The following STARD3 variants were observed in gnomAD, a reference collection of about 807,000 sequenced individuals.
STARD3 encodes StAR related lipid transfer domain containing 3, also known as stAR-related lipid transfer protein 3.
STARD3 carries 39 observed loss-of-function variants against 62.0 expected under a neutral mutation model. That is an observed-to-expected ratio of 0.63 (90% CI 0.49 to 0.82). The LOEUF is 0.82. STARD3 is among the 40% of genes least tolerant of loss of function. The probability of loss-of-function intolerance (pLI) is 0.00; values close to 1 mark genes in which losing one functional copy is unlikely to be tolerated. For synonymous variants in STARD3, 229 were observed against 242.4 expected (o/e 0.94, Z 0.51); for missense variants, 543 against 584.5 (o/e 0.93, Z 0.73).
At chr17:39,658,224 A>C (rs1419385515) in intron 5 of STARD3, 181 bp from the exon 6 acceptor site, 33 of 831,484 alleles carry the variant, frequency 4.0e-5, no homozygotes, top group African/African-American at 6.8e-5. Context: ...TCTAGGAATC[A>C]GAAGGTTCTT....
rs2057178446 is a variant in STARD3 at position 39,660,108 on chromosome 17, C to T, written c.796-103C>T. 8.4e-7 allele frequency: 1 copy of T among 1,184,206 alleles called. No individual in the cohort carries two copies. The highest frequency in any genetic ancestry group is 1.7e-5 in the Admixed American group (1 of 58,846). 73.4% of individuals were successfully genotyped at this position (1,184,206 alleles called of 1,614,324 possible). A position where few individuals can be genotyped will look rare whatever the true frequency, so the allele number is the denominator to read the frequency against. On this transcript the variant is annotated intron_variant, in intron 9 of 14. Transcript: ENST00000336308. The surrounding 1 kb of genome is among the most constrained non-coding windows in gnomAD (Gnocchi z 4.8). ...GTCCCCAAACTCCTGGAGTTTTCCA[C>T]CCTGAGCTGTTAAAAACCTGCCCTG...
chr17:39,657,889 G>T, intron 4 of STARD3, 37 bp downstream of exon 4: 1 of 1,613,966 alleles, frequency 6.2e-7, no homozygotes, highest in Non-Finnish European at 8.5e-7. Context: ...CTGGGCCCTG[G>T]CAGGGCTGGT....
intron 1 of STARD3, among the ~76,000 whole-genome samples, chr17:39,645,421 G>T (rs2057016635): frequency 6.6e-6 from 1 of 152,188 alleles, no homozygotes; most frequent in Non-Finnish European, 1.5e-5. Context: ...TCACTATAGT[G>T]TATTTAACCT....
Position 39,657,069 on chromosome 17 carries a change from CCTT to C in STARD3, c.286_288del (p.Phe96del). 6.2e-7 allele frequency: 1 copy of C among 1,614,174 alleles called. No homozygotes were observed. The highest frequency in any genetic ancestry group is 1.7e-5 in the Admixed American group (1 of 60,032). Reference sequence around the variant, plus strand: ...ATCATCCAGTACAACTTTAAAACTTCCTTCTTCGACATCTTTGTGAGTGGCCTT... The same window carrying C: ...ATCATCCAGTACAACTTTAAAACTTCCTTCGACATCTTTGTGAGTGGCCTT... On this transcript the variant is annotated inframe_deletion, in exon 3 of 15. Transcript: ENST00000336308.
At position 39,657,954 on chromosome 17, in the gene STARD3, C is replaced by G. The variant is rs1268977754; in HGVS notation, c.376-19C>G. On this transcript the variant is annotated intron_variant, in intron 4 of 14. Coordinates refer to ENST00000336308, the MANE Select transcript of STARD3 (RefSeq NM_006804.4). ...TCCCAGCCTCTGCCTTCCCCTTCCT[C>G]CCTCCCTCCCCTGGGCAGGTCACGA... 9 of 1,598,610 alleles carry G rather than the reference C, an allele frequency of 5.6e-6. No homozygotes were observed. The highest frequency in any genetic ancestry group is 1.3e-5 in the African/African-American group (1 of 74,898).
intron 2 of STARD3, among the ~76,000 whole-genome samples, chr17:39,654,063 G>C (rs1227884046): frequency 6.6e-6 from 1 of 152,216 alleles, no homozygotes; most frequent in African/African-American, 2.4e-5. Flanking sequence ...TCCCGAGAGA[G>C]GAGGAGGGGG....
intron 1 of STARD3, among the ~76,000 whole-genome samples, chr17:39,651,208 A>T (rs1367370452): frequency 6.6e-6 from 1 of 152,110 alleles, no homozygotes; most frequent in Non-Finnish European, 1.5e-5. Context: ...TCTGCTGCAA[A>T]CAGTCAGTTC....
intron 1 of STARD3, among the ~76,000 whole-genome samples, chr17:39,647,523 C>T (rs1482023966): frequency 6.6e-6 from 1 of 152,158 alleles, no homozygotes; most frequent in African/African-American, 2.4e-5. Context: ...GCTGTGATGC[C>T]TCCAGGGCTA....
chr17:39,653,754 AGTGGGGGCGAG>A lies in STARD3; in HGVS notation c.219+13_219+23del. Reference sequence around the variant, plus strand: ...GCTCTGGATCATCGAACTGAATGTGAGTGGGGGCGAGGTGGGGGCACAGGCCATGTTGCAGG... The same window carrying A: ...GCTCTGGATCATCGAACTGAATGTGAGTGGGGGCACAGGCCATGTTGCAGG... On this transcript the variant is annotated splice_donor_5th_base_variant and intron_variant, in intron 2 of 14. Transcript: ENST00000336308. 3.7e-6 allele frequency: 6 copies of A among 1,613,808 alleles called. No individual in the cohort carries two copies. The highest frequency in any genetic ancestry group is 4.2e-6 in the Non-Finnish European group (5 of 1,179,942).
At chr17:39,643,231 G>A (rs2056996270) in intron 1 of STARD3, among the ~76,000 whole-genome samples, 1 of 152,140 alleles carries the variant, frequency 6.6e-6, no homozygotes, top group Non-Finnish European at 1.5e-5. Flanking sequence ...GAAGGGAGGT[G>A]TGACCAGATG....
At chr17:39,651,482 C>G (rs2057077257) in intron 1 of STARD3, among the ~76,000 whole-genome samples, 1 of 152,194 alleles carries the variant, frequency 6.6e-6, no homozygotes, top group Non-Finnish European at 1.5e-5. Flanking sequence ...TGTGGGGAGA[C>G]TCAGGGAGCC....
chr17:39,659,998 C>T (rs1470628032), intron 9 of STARD3: 8 of 593,734 alleles, frequency 1.3e-5, no homozygotes, highest in African/African-American at 3.7e-5. Context: ...GCTGTCCCCC[C>T]GTCTTTTAAC....
rs368538585 is a variant in STARD3 at position 39,660,285 on chromosome 17, G to A, written c.858+12G>A. The A allele has an allele frequency of 6.2e-7, 1 of 1,614,046 alleles. No homozygotes were observed. Among genetic ancestry groups the A allele is most frequent in the Non-Finnish European group, 8.5e-7 (1 of 1,180,024 alleles). On this transcript the variant is annotated intron_variant, in intron 10 of 14. Transcript: ENST00000336308. This position sits in a 1 kb window ranked among gnomAD's most constrained non-coding sequence, Gnocchi z 4.8. ...CGTTTATCCTGAAGGTGAGTGAGGGGAGCGGGTGTCCTGGAGCCCCAGACA... is the reference window on the plus strand; with the variant it reads ...CGTTTATCCTGAAGGTGAGTGAGGGAAGCGGGTGTCCTGGAGCCCCAGACA...
intron 1 of STARD3, 185 bp from the exon 2 acceptor site, chr17:39,653,296 C>A: frequency 1.7e-6 from 1 of 590,632 alleles, no homozygotes; most frequent in Non-Finnish European, 3.0e-6. Context: ...AGATAATTAG[C>A]GGAATGCTCA....
At position 39,653,530 on chromosome 17, in the gene STARD3, G is replaced by A. The variant is rs973690669; in HGVS notation, c.-2G>A. On this transcript the variant is annotated 5_prime_UTR_variant, in exon 2 of 15. Coordinates refer to ENST00000336308, the MANE Select transcript of STARD3 (RefSeq NM_006804.4). ...CCCGCCCTGAGGTGGGGGCCCACCA[G>A]GATGAGCAAGCTGCCCAGGGAGCTG... 14 of 1,601,966 alleles carry A rather than the reference G, an allele frequency of 8.7e-6. No homozygotes were observed. The Admixed American group carries it at 1.0e-4, about 11-fold the overall frequency.
chr17:39,661,056 T>C lies in STARD3; in HGVS notation c.1110T>C (p.Ser370=), dbSNP rs1272146520. 6.2e-7 allele frequency: 1 copy of C among 1,613,550 alleles called. No homozygotes were observed. ...YLSSGIATSH[S]AKPPTHKYVR... is the part of the protein sequence containing the mutation. ...CATCAGGGATCGCCACCTCACACAGTGCCAAGCCCCCGACGCACAAATATG... is the reference window on the plus strand; with the variant it reads ...CATCAGGGATCGCCACCTCACACAGCGCCAAGCCCCCGACGCACAAATATG... The change falls in exon 13 of 15, where the codon AGT becomes AGC. Residue 370 remains serine, a synonymous_variant. Coordinates refer to ENST00000336308, the MANE Select transcript of STARD3 (RefSeq NM_006804.4).
intron 1 of STARD3, among the ~76,000 whole-genome samples, chr17:39,644,843 CAG>C (rs768134031): frequency 1.4e-5 from 2 of 144,286 alleles, no homozygotes; most frequent in African/African-American, 2.7e-5. Context: ...GCATGGGCGA[CAG>C]AGTCTCAAAA....
rs533841947 is a variant in STARD3, at chr17:39,645,984, C to G, written c.-51-7497C>G. ...TTGGCTCACTGCAACCTTCGCCCCT[C>G]AGGTTCAATCAATCCTCCCACCTCA... On this transcript the variant is annotated intron_variant, in intron 1 of 14. Coordinates refer to ENST00000336308, the MANE Select transcript of STARD3 (RefSeq NM_006804.4). 4.2e-3 allele frequency among the ~76,000 whole-genome samples: 604 copies of G among 142,150 alleles called. 20 individuals are homozygous for G. The highest frequency in any genetic ancestry group is 9.4e-4 in the Non-Finnish European group (62 of 66,074). 93.3% of individuals were successfully genotyped at this position (142,150 alleles called of 152,430 possible).
At chr17:39,641,400 G>A (rs1193282868) in intron 1 of STARD3, among the ~76,000 whole-genome samples, 1 of 151,814 alleles carries the variant, frequency 6.6e-6, no homozygotes, top group Non-Finnish European at 1.5e-5. Context: ...TCCTATGATC[G>A]CGCCTGTGAA....
Sources: gnomAD v4.1 joint callset for allele counts (sites outside exome capture counted in the v4.1 genomes callset) on GRCh38, gnomAD v4.1.1 for gene constraint, Gnocchi (gnomAD v3.1) non-coding constraint, MANE v1.5 for transcripts, NCBI Gene and HGNC (gene_info 2026-07-23, HGNC 2026-07-21) for gene names.